Variants in CCL26 observed in about 807,000 individuals in gnomAD.
The protein encoded by CCL26 is C-C motif chemokine ligand 26.
A neutral mutation model predicts 10.7 loss-of-function variants in CCL26; 10 were observed. The ratio of observed to expected loss-of-function variants is 0.93; its 90% confidence interval spans 0.57 to 1.58. The LOEUF is 1.58. Ranked by LOEUF, CCL26 falls within the 40% of genes most tolerant of loss-of-function variation. The pLI is 0.00. For missense variants in CCL26, 116 were observed against 111.0 expected (o/e 1.05, Z -0.20); for synonymous variants, 43 against 41.4 (o/e 1.04, Z -0.15).
chr7:75,776,802 C>T (rs951158421), upstream of CCL26, among the ~76,000 whole-genome samples: 2 of 152,082 alleles, frequency 1.3e-5, no homozygotes, highest in Non-Finnish European at 2.9e-5. Flanking sequence ...AAACATCAAA[C>T]GTTAGTGAGG....
chr7:75,785,620 T>G lies in CCL26; in HGVS notation c.-79+4097A>C, dbSNP rs182743685. Among the ~76,000 whole-genome samples the G allele has an allele frequency of 2.7e-3, 418 of 152,286 alleles. 3 individuals carry two copies. The highest frequency in any genetic ancestry group is 4.2e-3 in the Non-Finnish European group (289 of 68,020). On this transcript the variant is annotated intron_variant, in intron 1 of 3. Transcript: ENST00000394905. ...TCTACTTAACAACAAGTCCTTTCCTTCCTGGGCATGGTTGGATACTTTCAC... is the reference window on the plus strand; with the variant it reads ...TCTACTTAACAACAAGTCCTTTCCTGCCTGGGCATGGTTGGATACTTTCAC...
upstream of CCL26, among the ~76,000 whole-genome samples, chr7:75,791,145 G>C (rs1270351067): frequency 6.6e-6 from 1 of 150,390 alleles, no homozygotes; most frequent in Non-Finnish European, 1.5e-5. Context: ...TCCTGCCTCA[G>C]CCTCCCGAGT....
At chr7:75,772,272 G>T (rs1802841346), upstream of CCL26, 7 of 856,456 alleles carry the variant, frequency 8.2e-6, no homozygotes, top group East Asian at 1.6e-4. Context: ...CAATTCCAGA[G>T]AATTCTGTGG....
chr7:75,782,253 G>A (rs374920228), intron 1 of CCL26, among the ~76,000 whole-genome samples: 7 of 152,264 alleles, frequency 4.6e-5, no homozygotes, highest in South Asian at 4.1e-4. Context: ...AAACTCCGGC[G>A]CCAGTCACGG....
upstream of CCL26, among the ~76,000 whole-genome samples, chr7:75,774,917 C>T (rs1802902790): frequency 6.6e-6 from 1 of 151,544 alleles, no homozygotes; most frequent in Non-Finnish European, 1.5e-5. Flanking sequence ...AAGACTCTGT[C>T]TCTTTAAAAA....
At chr7:75,785,237 C>A (rs534924527) in intron 1 of CCL26, among the ~76,000 whole-genome samples, 1 of 152,314 alleles carries the variant, frequency 6.6e-6, no homozygotes, top group African/African-American at 2.4e-5. Context: ...TTTACCTGGA[C>A]TGACCCTGAC....
intron 1 of CCL26, among the ~76,000 whole-genome samples, chr7:75,778,202 A>G (rs2068715737): frequency 6.6e-6 from 1 of 151,710 alleles, no homozygotes; most frequent in African/African-American, 2.4e-5. Context: ...TCTCATCAAC[A>G]CTTATCATTT....
At chr7:75,777,759 A>T (rs1802974073) in intron 1 of CCL26, among the ~76,000 whole-genome samples, 1 of 144,528 alleles carries the variant, frequency 6.9e-6, no homozygotes, top group South Asian at 2.3e-4. Flanking sequence ...GCAGCTAGAT[A>T]AGAAAGAATA....
intron 1 of CCL26, among the ~76,000 whole-genome samples, chr7:75,786,687 G>A (rs1381495992): frequency 6.6e-6 from 1 of 152,132 alleles, no homozygotes; most frequent in East Asian, 1.9e-4. Context: ...AGCAGCTAAC[G>A]TTCCAATGGC....
At position 75,769,624 on chromosome 7, in the gene CCL26, G is replaced by A. The variant is rs185196697; in HGVS notation, c.*69C>T. Reference sequence around the variant, plus strand: ...CCATGTAGCCTTCAGAAAAGATTCCGCAGGCTCCCCAGAGGGCTGCAGAGC... The same window carrying A: ...CCATGTAGCCTTCAGAAAAGATTCCACAGGCTCCCCAGAGGGCTGCAGAGC... On this transcript the variant is annotated 3_prime_UTR_variant, in exon 3 of 3. Transcript: ENST00000005180. 8 of 1,016,182 alleles carry A rather than the reference G, an allele frequency of 7.9e-6. No individual in the cohort carries two copies. The highest frequency in any genetic ancestry group is 1.2e-5 in the Non-Finnish European group (8 of 646,284). The allele number at this position is 1,016,182 out of a possible 1,614,324, so 62.9% of individuals were successfully genotyped here.
intron 1 of CCL26, among the ~76,000 whole-genome samples, chr7:75,777,495 C>A (rs931193071): frequency 1.3e-5 from 2 of 151,924 alleles, no homozygotes; most frequent in Non-Finnish European, 2.9e-5. Context: ...CACTGCTAAT[C>A]CCAGCACTTT....
intron 1 of CCL26, among the ~76,000 whole-genome samples, chr7:75,788,031 C>A (rs1296639870): frequency 6.6e-6 from 1 of 152,048 alleles, no homozygotes; most frequent in African/African-American, 2.4e-5. Context: ...CCCATGCCGC[C>A]CCTAATCCTT....
At chr7:75,778,573 G>A (rs1254147089) in intron 1 of CCL26, among the ~76,000 whole-genome samples, 3 of 146,562 alleles carry the variant, frequency 2.0e-5, no homozygotes, top group East Asian at 2.0e-4. Context: ...TTTTTTTAAT[G>A]TACCTGGTGG....
At position 75,788,685 on chromosome 7, in the gene CCL26, C is replaced by G. The variant is rs1445665971; in HGVS notation, c.-79+1032G>C. Reference sequence around the variant, plus strand: ...AGATTGCAGTGAGCCAAGATCACACCACTGCACTCTAGTCTGGGCGACAGA... The same window carrying G: ...AGATTGCAGTGAGCCAAGATCACACGACTGCACTCTAGTCTGGGCGACAGA... On this transcript the variant is annotated intron_variant, in intron 1 of 3. Transcript: ENST00000394905. Among the ~76,000 whole-genome samples the G allele has an allele frequency of 2.7e-5, 4 of 149,280 alleles. No homozygotes were observed. The East Asian group carries it at 7.9e-4, about 29-fold the overall frequency.
chr7:75,787,705 T>TA lies in CCL26; in HGVS notation c.-79+2011dup, dbSNP rs56291244. ...ACCCCCCAAGCTCAGCCTCTCAACT[T>TA]AAAAAAAAAAATAAAAGGACTCTGT... On this transcript the variant is annotated intron_variant, in intron 1 of 3. Transcript: ENST00000394905. Among the ~76,000 whole-genome samples the TA allele has an allele frequency of 2.9e-4, 37 of 126,328 alleles. 1 individual carries two copies. The highest frequency in any genetic ancestry group is 4.5e-4 in the African/African-American group (15 of 33,432). The allele number at this position is 126,328 out of a possible 152,430, so 82.9% of individuals were successfully genotyped here. A position where few individuals can be genotyped will look rare whatever the true frequency, so the allele number is the denominator to read the frequency against.
intron 1 of CCL26, among the ~76,000 whole-genome samples, chr7:75,781,748 C>A (rs891737837): frequency 6.6e-6 from 1 of 152,112 alleles, no homozygotes; most frequent in Non-Finnish European, 1.5e-5. Context: ...CGCCCCTGCC[C>A]GCCAGAGAAC....
intron 2 of CCL26, 62 bp downstream of exon 2, chr7:75,771,827 C>T: frequency 9.6e-7 from 1 of 1,040,794 alleles, no homozygotes; most frequent in Non-Finnish European, 1.5e-6. Context: ...GGGGGTCTGC[C>T]CAGCACCCAT....
chr7:75,776,340 G>A (rs1802939790), upstream of CCL26, among the ~76,000 whole-genome samples: 1 of 151,692 alleles, frequency 6.6e-6, no homozygotes, highest in Middle Eastern at 3.4e-3. Flanking sequence ...CCAAGTGCTG[G>A]GATTACAGGT....
At chr7:75,789,312 A>G (rs1169650413) in intron 1 of CCL26, among the ~76,000 whole-genome samples, 1 of 152,022 alleles carries the variant, frequency 6.6e-6, no homozygotes, top group Non-Finnish European at 1.5e-5. Flanking sequence ...GATATGGCGA[A>G]TAAACAAAAC....
Sources: allele counts gnomAD v4.1 joint callset (sites outside exome capture counted in the v4.1 genomes callset), GRCh38; gene constraint gnomAD v4.1.1; transcripts MANE v1.5; gene names NCBI Gene and HGNC (gene_info 2026-07-23, HGNC 2026-07-21).